Variants in STAU1 observed in about 807,000 individuals in gnomAD.
STAU1 encodes the protein double-stranded RNA-binding protein Staufen homolog 1.
Under a neutral mutation model 62.9 loss-of-function variants are expected in STAU1, and 13 were observed. The observed-to-expected ratio is 0.21, with a 90% CI of 0.13 to 0.33. STAU1 has a LOEUF of 0.33. Among genes scored for constraint, STAU1 ranks in the 10% least tolerant of loss-of-function variants. STAU1 has a pLI of 1.00. For synonymous variants in STAU1, 269 were observed against 265.1 expected (o/e 1.01, Z -0.14); for missense variants, 571 against 712.1 (o/e 0.80, Z 2.25).
At chr20:49,174,368 T>C (rs537038586) in intron 1 of STAU1, 99 bp from the exon 2 acceptor site, 2 of 152,194 alleles carry the variant, frequency 1.3e-5, no homozygotes, top group South Asian at 4.2e-4. Flanking sequence ...AATTTACAAG[T>C]AGGGAAGACT....
chr20:49,218,723 C>A, the STAU1 span, among the ~76,000 whole-genome samples: 1 of 151,802 alleles, frequency 6.6e-6, no homozygotes, highest in Non-Finnish European at 1.5e-5. Flanking sequence ...TTTTTTTTCC[C>A]CTACAATAAA....
chr20:49,152,057 A>C (rs927501075), intron 4 of STAU1, among the ~76,000 whole-genome samples: 2 of 152,204 alleles, frequency 1.3e-5, no homozygotes, highest in African/African-American at 4.8e-5. Flanking sequence ...TTTGGCTGAG[A>C]CAAAAACTTG....
chr20:49,208,473 G>C, the STAU1 span, among the ~76,000 whole-genome samples: 4 of 152,088 alleles, frequency 2.6e-5, no homozygotes, highest in Admixed American at 2.6e-4. Context: ...AAAGTGCTGG[G>C]ATTACAGGCG....
chr20:49,125,894 T>C (rs890004468), intron 6 of STAU1, among the ~76,000 whole-genome samples: 8 of 151,902 alleles, frequency 5.3e-5, no homozygotes, highest in Middle Eastern at 3.2e-3. Flanking sequence ...GGGATTAGGG[T>C]AGACAGACGG....
chr20:49,158,843 TA>T, intron 3 of STAU1: 2 of 889,178 alleles, frequency 2.2e-6, no homozygotes, highest in Non-Finnish European at 3.1e-6. Context: ...CTCATGCCTG[TA>T]ATCCCAGCAG....
the STAU1 span, among the ~76,000 whole-genome samples, chr20:49,207,769 C>T: frequency 1.5e-3 from 232 of 152,256 alleles, 1 homozygote; most frequent in South Asian, 3.7e-3. Context: ...ATCCACCCAT[C>T]TCGGCCTCCC....
At chr20:49,218,541 AAAAC>A in the STAU1 span, among the ~76,000 whole-genome samples, 22,870 of 151,050 alleles carry the variant, frequency 0.15, 3,175 homozygotes, top group African/African-American at 0.38. Flanking sequence ...TTTTTAATTA[AAAAC>A]AAACAAACAA....
At chr20:49,151,805 A>C in intron 4 of STAU1, 58 bp from the exon 5 acceptor site, 1 of 1,465,130 alleles carries the variant, frequency 6.8e-7, no homozygotes, top group Non-Finnish European at 9.2e-7. Flanking sequence ...TCACCTATAC[A>C]CTCTCTGGCA....
At chr20:49,194,514 T>C in the STAU1 span, among the ~76,000 whole-genome samples, 1 of 151,386 alleles carries the variant, frequency 6.6e-6, no homozygotes, top group Admixed American at 6.6e-5. Context: ...ATCCCAGCAC[T>C]GTGGGAGGCC....
intron 1 of STAU1, among the ~76,000 whole-genome samples, chr20:49,182,086 A>G (rs2093732949): frequency 6.6e-6 from 1 of 152,158 alleles, no homozygotes; most frequent in Non-Finnish European, 1.5e-5. Context: ...TCTCAAATAG[A>G]TTTTTCCACT....
intron 1 of STAU1, among the ~76,000 whole-genome samples, chr20:49,182,044 GA>G (rs1470365246): frequency 1.3e-5 from 2 of 152,150 alleles, no homozygotes; most frequent in African/African-American, 2.4e-5. Flanking sequence ...TTGATATTCA[GA>G]AGACTAATTT....
At position 49,151,744 on chromosome 20, in the gene STAU1, G is replaced by A. The variant is rs1486848329; in HGVS notation, c.348C>T (p.Tyr116=). 1.9e-6 allele frequency: 3 copies of A among 1,607,688 alleles called. No individual in the cohort carries two copies. Among genetic ancestry groups the A allele is most frequent in the African/African-American group, 1.3e-5 (1 of 74,532 alleles). Residue 116 remains tyrosine (Y), a synonymous_variant, in exon 5 of 14, where the codon TAC becomes TAT. Coordinates refer to ENST00000371856, the MANE Select transcript of STAU1 (RefSeq NM_017453.4). ...AAGGTGGAACTGGAAATGGGTAAAA[G>A]TACCTAGAAATAAAAGGAGGTTAGG... The part of the protein sequence containing the change: ...NMRGGAYPPR[Y]FYPFPVPPLL...
At chr20:49,208,897 C>G in the STAU1 span, among the ~76,000 whole-genome samples, 16 of 149,948 alleles carry the variant, frequency 1.1e-4, no homozygotes, top group South Asian at 3.4e-3. Context: ...GCTGGGATTA[C>G]AGGCGTGAGC....
the STAU1 span, among the ~76,000 whole-genome samples, chr20:49,207,003 C>T: frequency 6.6e-6 from 1 of 151,736 alleles, no homozygotes; most frequent in East Asian, 1.9e-4. Context: ...ATCCACCCGC[C>T]TTGGCCTCCC....
intron 13 of STAU1, 111 bp from the exon 14 acceptor site, chr20:49,115,004 C>T: frequency 8.7e-7 from 1 of 1,152,690 alleles, no homozygotes; most frequent in Non-Finnish European, 1.3e-6. Context: ...TACTAAAAGC[C>T]CCAGTTTATG....
chr20:49,180,395 G>T (rs560777778), intron 1 of STAU1, among the ~76,000 whole-genome samples: 2 of 151,382 alleles, frequency 1.3e-5, no homozygotes, highest in Non-Finnish European at 2.9e-5. Context: ...ACGATGTCAG[G>T]TCACTGCAAA....
chr20:49,149,251 AACACACACACACAC>A (rs34854738), intron 5 of STAU1, among the ~76,000 whole-genome samples: 56 of 132,026 alleles, frequency 4.2e-4, no homozygotes, highest in Middle Eastern at 3.7e-3. Flanking sequence ...ACTGTCTCAA[AACACACACACACAC>A]ACACACACAC....
In STAU1 at chr20:49,158,547, T is replaced by C. The variant is rs375403382; in HGVS notation, c.206-4476A>G. 25 of 1,283,554 alleles carry C rather than the reference T, an allele frequency of 1.9e-5. No homozygotes were observed. The South Asian group carries it at 2.2e-4, about 11-fold the overall frequency. 79.5% of individuals were successfully genotyped at this position (1,283,554 alleles called of 1,614,324 possible). On this transcript the variant is annotated intron_variant, in intron 3 of 13. Coordinates refer to ENST00000371856, the MANE Select transcript of STAU1 (RefSeq NM_017453.4). ...TTTATTGGCCAGGTGCAGTGGCTCA[T>C]GCCTGTAATCCTAGCACTTTGGGAG...
intron 1 of STAU1, among the ~76,000 whole-genome samples, chr20:49,179,847 G>A (rs2093702386): frequency 6.6e-6 from 1 of 152,198 alleles, no homozygotes; most frequent in African/African-American, 2.4e-5. Context: ...TTCATGCCAA[G>A]GGGTATTTCC....
Sources: gnomAD v4.1 joint callset for allele counts (sites outside exome capture counted in the v4.1 genomes callset) on GRCh38, gnomAD v4.1.1 for gene constraint, MANE v1.5 for transcripts, NCBI Gene and HGNC (gene_info 2026-07-23, HGNC 2026-07-21) for gene names.